Variants in SOX5 observed in about 807,000 individuals in gnomAD.
SOX5 encodes the protein transcription factor SOX-5.
SOX5 carries 9 observed loss-of-function variants against 92.0 expected under a neutral mutation model. That is an observed-to-expected ratio of 0.10 (90% CI 0.06 to 0.17). SOX5 has a LOEUF of 0.17. Ranked by LOEUF, SOX5 falls within the 10% of genes least tolerant of loss-of-function variation. SOX5 has a pLI of 1.00. For synonymous variants in SOX5, 344 were observed against 336.3 expected, an observed-to-expected ratio of 1.02 and a Z score of -0.25; for missense variants, 642 against 944.5, an observed-to-expected ratio of 0.68 and a Z score of 4.20.
chr12:24,521,300 C>T (rs1254646135), intron 1 of SOX5, among the ~76,000 whole-genome samples: 1 of 151,982 alleles, frequency 6.6e-6, no homozygotes, highest in Non-Finnish European at 1.5e-5. Context: ...GGTGATCTGC[C>T]CATCTTGGCC....
intron 6 of SOX5, among the ~76,000 whole-genome samples, chr12:23,668,619 T>C (rs934407948): frequency 6.6e-6 from 1 of 152,204 alleles, no homozygotes; most frequent in Non-Finnish European, 1.5e-5. Flanking sequence ...TCTTTTTCAC[T>C]GAATGTATGA....
intron 4 of SOX5, among the ~76,000 whole-genome samples, chr12:24,198,406 G>A (rs151249939): frequency 2.0e-5 from 3 of 152,158 alleles, no homozygotes; most frequent in Non-Finnish European, 4.4e-5. Flanking sequence ...ATTTCGAGTT[G>A]TTTATCTGGA....
chr12:23,950,922 G>C, upstream of SOX5: 2 of 1,526,624 alleles, frequency 1.3e-6, no homozygotes, highest in Admixed American at 3.9e-5. Flanking sequence ...CATCTGGTCA[G>C]GGAGTAAGCA....
chr12:23,784,278 A>G lies in SOX5; in HGVS notation c.482-28554T>C, dbSNP rs74813272. ...TGGATAATAAAATCTTGAAAATGCC[A>G]TCTAGACCTATGGATGGTTCTTTGA... On this transcript the variant is annotated intron_variant, in intron 3 of 14. Transcript: ENST00000451604. Among the ~76,000 whole-genome samples the G allele has an allele frequency of 3.0e-3, 451 of 152,212 alleles. 1 individual carries two copies. The highest frequency in any genetic ancestry group is 0.011 in the African/African-American group (441 of 41,556).
intron 1 of SOX5, among the ~76,000 whole-genome samples, chr12:24,475,721 C>A (rs1011094166): frequency 6.6e-6 from 1 of 152,184 alleles, no homozygotes; most frequent in Non-Finnish European, 1.5e-5. Flanking sequence ...GTGGCTCACA[C>A]CTGTAATCCC....
intron 6 of SOX5, among the ~76,000 whole-genome samples, chr12:23,724,601 C>T (rs1418779260): frequency 6.6e-6 from 1 of 152,062 alleles, no homozygotes; most frequent in Admixed American, 6.6e-5. Context: ...ATCTTTAAGA[C>T]AGGAGATTTA....
chr12:24,231,438 T>C (rs1207399605), intron 3 of SOX5, among the ~76,000 whole-genome samples: 3 of 152,162 alleles, frequency 2.0e-5, no homozygotes, highest in Admixed American at 2.0e-4. Context: ...GGGAAGAAAG[T>C]CTCAAGCATA....
At chr12:23,640,142 C>T (rs2079850080) in intron 8 of SOX5, among the ~76,000 whole-genome samples, 1 of 152,158 alleles carries the variant, frequency 6.6e-6, no homozygotes, top group South Asian at 2.1e-4. Context: ...AACAGTTAAT[C>T]AAAGCTACCT....
intron 8 of SOX5, among the ~76,000 whole-genome samples, chr12:23,625,701 C>T (rs1739830335): frequency 6.6e-6 from 1 of 152,166 alleles, no homozygotes; most frequent in South Asian, 2.1e-4. Context: ...CCTCTGCGTC[C>T]TGGGTTCAAA....
intron 3 of SOX5, among the ~76,000 whole-genome samples, chr12:24,245,272 T>C (rs950805228): frequency 2.7e-5 from 4 of 148,056 alleles, no homozygotes; most frequent in African/African-American, 9.9e-5. Flanking sequence ...TGTGTGTGTG[T>C]GTGCCTTCTA....
At chr12:23,913,265 T>C (rs2097371591) in intron 1 of SOX5, among the ~76,000 whole-genome samples, 1 of 152,196 alleles carries the variant, frequency 6.6e-6, no homozygotes, top group Non-Finnish European at 1.5e-5. Flanking sequence ...AATGTATTTC[T>C]CATTTCTATT....
At chr12:24,066,085 A>T (rs1211848674) in intron 4 of SOX5, among the ~76,000 whole-genome samples, 1 of 152,264 alleles carries the variant, frequency 6.6e-6, no homozygotes, top group Admixed American at 6.5e-5. Flanking sequence ...TGTGCATTAA[A>T]TGAATAAATA....
In SOX5 at chr12:24,203,768, A is replaced by T. The variant is rs182515264; in HGVS notation, c.-2+9575T>A. ...CAACAGTTCTTTTTTGTTCATTTTT[A>T]AAAAATTTTAGAGTATAAACGCCAA... On this transcript the variant is annotated intron_variant, in intron 4 of 4. Coordinates refer to the SOX5 transcript ENST00000446891. Among the ~76,000 whole-genome samples, 886 of 152,298 alleles carry T rather than the reference A, an allele frequency of 5.8e-3. 9 individuals are homozygous for T. Among genetic ancestry groups the T allele is most frequent in the African/African-American group, 0.02 (827 of 41,556 alleles).
chr12:24,095,118 C>CAGAGAGAGAG (rs1316678789), intron 4 of SOX5, among the ~76,000 whole-genome samples: 1 of 82,646 alleles, frequency 1.2e-5, no homozygotes, highest in African/African-American at 3.6e-5. Flanking sequence ...CACACACACA[C>CAGAGAGAGAG]ACACACACAC....
rs1233558535 is a variant in SOX5, at chr12:24,349,026, T to TTTATAAAGGTAA, written c.-174+19536_-174+19537insTTACCTTTATAA. 5.3e-5 allele frequency among the ~76,000 whole-genome samples: 8 copies of TTTATAAAGGTAA among 152,348 alleles called. No individual in the cohort carries two copies. The East Asian group carries it at 1.5e-3, about 29-fold the overall frequency. ...TAAATTACCCAGTCTCAGGTACGCC[T>TTTATAAAGGTAA]TTATTGGCAGTGTGAGAATGGACTA... On this transcript the variant is annotated intron_variant, in intron 2 of 4. Coordinates refer to the SOX5 transcript ENST00000446891.
intron 6 of SOX5, among the ~76,000 whole-genome samples, chr12:23,693,115 A>AC (rs2089179704): frequency 1.0e-4 from 1 of 9,722 alleles, no homozygotes; most frequent in Admixed American, 1.4e-3. Context: ...ATTTTTAATT[A>AC]TTTTATTATT....
intron 1 of SOX5, among the ~76,000 whole-genome samples, chr12:24,446,651 G>A (rs528493005): frequency 6.6e-6 from 1 of 152,148 alleles, no homozygotes; most frequent in African/African-American, 2.4e-5. Flanking sequence ...GCAAGTGGGG[G>A]TGATTAGAAT....
chr12:23,765,975 AC>A (rs1182673361), intron 3 of SOX5, among the ~76,000 whole-genome samples: 1 of 152,140 alleles, frequency 6.6e-6, no homozygotes, highest in African/African-American at 2.4e-5. Context: ...CATCACTAAA[AC>A]CATTTATTCA....
rs1555235765 is a variant in SOX5 at position 24,335,987 on chromosome 12, A to ATATATATATATATATATATATATATC, written c.-174+32575_-174+32576insGATATATATATATATATATATATATA. On this transcript the variant is annotated intron_variant, in intron 2 of 4. Transcript: ENST00000446891. ...GAAATGCTATCATATATATATATAT[A>ATATATATATATATATATATATATATC]TCCATAATATTAAATTTTTCTTGTT... is the stretch of plus-strand genomic sequence containing the variant. 1.8e-3 allele frequency among the ~76,000 whole-genome samples: 240 copies of ATATATATATATATATATATATATATC among 134,296 alleles called. 21 individuals are homozygous for ATATATATATATATATATATATATATC. The East Asian group carries it at 0.024, about 14-fold the overall frequency. 88.1% of individuals were successfully genotyped at this position (134,296 alleles called of 152,430 possible).
Sources: allele counts gnomAD v4.1 joint callset (sites outside exome capture counted in the v4.1 genomes callset), GRCh38; gene constraint gnomAD v4.1.1; transcripts MANE v1.5; gene names NCBI Gene and HGNC (gene_info 2026-07-23, HGNC 2026-07-21).